Variants in CBLN2 observed in about 807,000 individuals in gnomAD.
CBLN2 encodes cerebellin-2.
A neutral mutation model predicts 15.0 loss-of-function variants in CBLN2; 7 were observed. That is an observed-to-expected ratio of 0.47 (90% CI 0.27 to 0.88). The LOEUF (loss-of-function observed/expected upper bound fraction) is 0.88, where lower values mean the gene tolerates loss of function less well. CBLN2 is among the 40% of genes least tolerant of loss of function. The probability of loss-of-function intolerance (pLI) is 0.14; values close to 1 mark genes in which losing one functional copy is unlikely to be tolerated. For synonymous variants in CBLN2, 149 were observed against 135.2 expected, an observed-to-expected ratio of 1.10 and a Z score of -0.71; for missense variants, 242 against 304.5, an observed-to-expected ratio of 0.79 and a Z score of 1.53.
intron 1 of CBLN2, among the ~76,000 whole-genome samples, chr18:72,626,149 T>G (rs957135903): frequency 6.6e-6 from 1 of 151,956 alleles, no homozygotes; most frequent in Non-Finnish European, 1.5e-5. Flanking sequence ...CGGCAAACAT[T>G]TTTCATTTTT....
intron 1 of CBLN2, among the ~76,000 whole-genome samples, chr18:72,635,372 A>T (rs941233702): frequency 6.6e-6 from 1 of 152,162 alleles, no homozygotes; most frequent in Non-Finnish European, 1.5e-5. Flanking sequence ...ATTTTCTTAT[A>T]TTCTACAGGA....
intron 1 of CBLN2, among the ~76,000 whole-genome samples, chr18:72,606,344 G>A (rs951315996): frequency 3.3e-5 from 5 of 152,054 alleles, no homozygotes; most frequent in Non-Finnish European, 5.9e-5. Flanking sequence ...TGACAGATTG[G>A]CATATTAACC....
rs2069120154 is a variant in CBLN2 at position 72,542,192 on chromosome 18, G to T, written c.-32C>A. On this transcript the variant is annotated 5_prime_UTR_variant, in exon 3 of 5. Transcript: ENST00000269503. ...TGGTGGGAGGCGGCGCGCGGGGGTG[G>T]AGGCCGGCGCCGGCGCGAGCGGCGC... is the stretch of plus-strand genomic sequence containing the variant. The T allele has an allele frequency of 8.4e-7, 1 of 1,193,094 alleles. No homozygotes were observed. Among genetic ancestry groups the T allele is most frequent in the Non-Finnish European group, 1.0e-6 (1 of 964,424 alleles). The allele number at this position is 1,193,094 out of a possible 1,614,324, so 73.9% of individuals were successfully genotyped here. A position where few individuals can be genotyped will look rare whatever the true frequency, so the allele number is the denominator to read the frequency against.
intron 1 of CBLN2, among the ~76,000 whole-genome samples, chr18:72,603,030 A>C (rs2069559374): frequency 6.6e-6 from 1 of 152,198 alleles, no homozygotes; most frequent in African/African-American, 2.4e-5. Context: ...ATCTGTAAAA[A>C]ACCAGCATAT....
intron 1 of CBLN2, among the ~76,000 whole-genome samples, chr18:72,560,625 T>C (rs1381796785): frequency 6.6e-6 from 1 of 152,212 alleles, no homozygotes; most frequent in Non-Finnish European, 1.5e-5. Flanking sequence ...CTAAAATAGT[T>C]ACTCTCTGGT....
intron 1 of CBLN2, among the ~76,000 whole-genome samples, chr18:72,606,375 G>A (rs1322519396): frequency 6.6e-6 from 1 of 152,124 alleles, no homozygotes; most frequent in East Asian, 1.9e-4. Flanking sequence ...TCGTTTTCCT[G>A]TATAAGAATC....
chr18:72,610,820 A>G (rs2069616838), intron 1 of CBLN2, among the ~76,000 whole-genome samples: 1 of 152,200 alleles, frequency 6.6e-6, no homozygotes, highest in Non-Finnish European at 1.5e-5. Flanking sequence ...TTGCATGATG[A>G]TGAGGTTTGG....
chr18:72,555,285 A>G (rs1273349263), intron 1 of CBLN2, among the ~76,000 whole-genome samples: 1 of 152,190 alleles, frequency 6.6e-6, no homozygotes, highest in Non-Finnish European at 1.5e-5. Flanking sequence ...GAGATCTCAG[A>G]GTGCATGCAT....
intron 1 of CBLN2, chr18:72,619,237 A>G (rs2069683531): frequency 2.1e-6 from 2 of 932,398 alleles, no homozygotes; most frequent in South Asian, 1.3e-5. Flanking sequence ...CAGTCAGGAA[A>G]CAAAGCTTAG....
chr18:72,607,302 T>C (rs1224930246), intron 1 of CBLN2, among the ~76,000 whole-genome samples: 11 of 152,200 alleles, frequency 7.2e-5, no homozygotes, highest in Admixed American at 7.2e-4. Context: ...AAGCCATCCT[T>C]AGCAGATGCA....
At chr18:72,607,857 A>G (rs1328384015) in intron 1 of CBLN2, among the ~76,000 whole-genome samples, 4 of 152,166 alleles carry the variant, frequency 2.6e-5, no homozygotes, top group Non-Finnish European at 5.9e-5. Context: ...ACTTTTATTG[A>G]GAGCATGAAA....
At chr18:72,566,107 T>G (rs2069293423) in intron 1 of CBLN2, among the ~76,000 whole-genome samples, 1 of 152,032 alleles carries the variant, frequency 6.6e-6, no homozygotes, top group Admixed American at 6.5e-5. Flanking sequence ...AAATCAAAAA[T>G]ACACTGAGAT....
At chr18:72,570,939 T>C (rs979023221) in intron 1 of CBLN2, among the ~76,000 whole-genome samples, 4 of 152,154 alleles carry the variant, frequency 2.6e-5, no homozygotes, top group Non-Finnish European at 5.9e-5. Context: ...TTCACAAATA[T>C]ATAATTTATG....
intron 1 of CBLN2, among the ~76,000 whole-genome samples, chr18:72,610,170 G>A (rs887407586): frequency 1.3e-5 from 2 of 151,996 alleles, no homozygotes; most frequent in African/African-American, 2.4e-5. Flanking sequence ...TCTGAGATGA[G>A]TTGTTGTTGT....
At position 72,541,952 on chromosome 18, in the gene CBLN2, G is replaced by T. The variant is rs780938666; in HGVS notation, c.209C>A (p.Ser70Tyr). The change falls in exon 3 of 5, where the codon TCC becomes TAC. Residue 70 changes from serine (S) to tyrosine (Y), a missense_variant. Transcript: ENST00000269503. ...LEGKCLVVCD[S>Y]SPSADGAVTS... is the part of the protein sequence containing the mutation. ...GACGGCGCCGTCCGCCGACGGGCTG[G>T]AGTCGCACACCACCAGGCACTTGCC... is the stretch of plus-strand genomic sequence containing the variant. The T allele has an allele frequency of 6.2e-7, 1 of 1,607,806 alleles. No homozygotes were observed. Among genetic ancestry groups the T allele is most frequent in the East Asian group, 2.2e-5 (1 of 44,798 alleles).
chr18:72,547,110 T>TCACACA (rs36204454), upstream of CBLN2, among the ~76,000 whole-genome samples: 105 of 148,702 alleles, frequency 7.1e-4, no homozygotes, highest in African/African-American at 1.9e-3. Flanking sequence ...AAAGAAAGTG[T>TCACACA]CACACACACA....
chr18:72,577,763 C>T (rs779007953), intron 1 of CBLN2, among the ~76,000 whole-genome samples: 1 of 152,124 alleles, frequency 6.6e-6, no homozygotes, highest in Non-Finnish European at 1.5e-5. Flanking sequence ...ATGTTCATCT[C>T]GTGAGTTGCA....
chr18:72,628,453 C>A (rs974934968), intron 1 of CBLN2, among the ~76,000 whole-genome samples: 2 of 152,218 alleles, frequency 1.3e-5, no homozygotes, highest in Non-Finnish European at 2.9e-5. Flanking sequence ...ACAGCCCCAG[C>A]TGACCCCTCA....
At chr18:72,540,077 G>A (rs2069097778) in intron 3 of CBLN2, 1 of 152,306 alleles carries the variant, frequency 6.6e-6, no homozygotes, top group Admixed American at 6.5e-5. Context: ...GACTGAGACA[G>A]ACACTCTGGG....
Sources: gnomAD v4.1 joint callset for allele counts (sites outside exome capture counted in the v4.1 genomes callset) on GRCh38, gnomAD v4.1.1 for gene constraint, MANE v1.5 for transcripts, NCBI Gene and HGNC (gene_info 2026-07-23, HGNC 2026-07-21) for gene names.